The following LIMD1 variants were observed in gnomAD, a reference collection of about 807,000 sequenced individuals.
LIMD1 encodes the protein LIM domain-containing protein 1.
In LIMD1, 23 loss-of-function variants were observed where a neutral mutation model predicts 58.4. The observed-to-expected ratio is 0.39, with a 90% CI of 0.28 to 0.56. The LOEUF (loss-of-function observed/expected upper bound fraction) is 0.56, where lower values mean the gene tolerates loss of function less well. Ranked by LOEUF, LIMD1 falls within the 20% of genes least tolerant of loss-of-function variation. LIMD1 has a pLI of 0.57. For missense variants in LIMD1, 838 were observed against 855.5 expected (o/e 0.98, Z 0.25); for synonymous variants, 334 against 345.5 (o/e 0.97, Z 0.37).
At chr3:45,639,540 G>A (rs1701821478) in intron 2 of LIMD1, among the ~76,000 whole-genome samples, 1 of 152,226 alleles carries the variant, frequency 6.6e-6, no homozygotes, top group Admixed American at 6.5e-5. Flanking sequence ...CACTCATATG[G>A]TAGAAGGGGA....
At chr3:45,646,025 G>C (rs1701901539) in intron 2 of LIMD1, among the ~76,000 whole-genome samples, 1 of 130,518 alleles carries the variant, frequency 7.7e-6, no homozygotes, top group Non-Finnish European at 1.7e-5. Flanking sequence ...GCGAGACTCT[G>C]TCTCAAAAAA....
intron 3 of LIMD1, 30 bp downstream of exon 3, chr3:45,665,747 A>C: frequency 6.2e-7 from 1 of 1,604,724 alleles, no homozygotes; most frequent in Non-Finnish European, 8.5e-7. Flanking sequence ...CTCCCCTTGC[A>C]TGTCCTGGCC....
chr3:45,610,156 C>A (rs1237340916), intron 1 of LIMD1, among the ~76,000 whole-genome samples: 1 of 152,198 alleles, frequency 6.6e-6, no homozygotes, highest in Non-Finnish European at 1.5e-5. Context: ...TGCATTCCAG[C>A]CTGGGCAACA....
chr3:45,610,085 G>A (rs1215260665), intron 1 of LIMD1, among the ~76,000 whole-genome samples: 4 of 152,160 alleles, frequency 2.6e-5, no homozygotes, highest in Non-Finnish European at 5.9e-5. Context: ...CCAGCTACTC[G>A]GGAGGCTGAG....
intron 3 of LIMD1, among the ~76,000 whole-genome samples, chr3:45,667,922 A>G (rs1451510680): frequency 1.3e-5 from 2 of 152,186 alleles, no homozygotes; most frequent in Non-Finnish European, 2.9e-5. Flanking sequence ...CCAAATCAGT[A>G]GGTCTGGAGT....
chr3:45,616,413 CA>C (rs1283296959), intron 1 of LIMD1, among the ~76,000 whole-genome samples: 1 of 152,212 alleles, frequency 6.6e-6, no homozygotes, highest in Non-Finnish European at 1.5e-5. Context: ...ACTTAGCAGG[CA>C]GATGGATCCT....
At chr3:45,668,411 C>T (rs1697546198) in intron 4 of LIMD1, 55 bp downstream of exon 4, 4 of 1,380,008 alleles carry the variant, frequency 2.9e-6, no homozygotes, top group Admixed American at 1.9e-5. Flanking sequence ...AGGAGGTGTT[C>T]AGAGAAAAAA....
At chr3:45,600,907 C>A (rs9817980) in intron 1 of LIMD1, among the ~76,000 whole-genome samples, 1,629 of 152,002 alleles carry the variant, frequency 0.011, 36 homozygotes, top group African/African-American at 0.036. Context: ...CTACAAAAAA[C>A]ACAAAAATTA....
chr3:45,601,158 G>A (rs1319342538), intron 1 of LIMD1, among the ~76,000 whole-genome samples: 2 of 152,214 alleles, frequency 1.3e-5, no homozygotes, highest in African/African-American at 4.8e-5. Flanking sequence ...GACCATACAA[G>A]GGCTTATTAA....
intron 2 of LIMD1, among the ~76,000 whole-genome samples, chr3:45,657,773 A>G (rs1402375679): frequency 1.3e-5 from 2 of 152,224 alleles, no homozygotes; most frequent in Non-Finnish European, 2.9e-5. Flanking sequence ...TGTGTAATTC[A>G]TAAGTATCAT....
At chr3:45,596,372 T>G in intron 1 of LIMD1, 85 bp downstream of exon 1, 1 of 1,076,470 alleles carries the variant, frequency 9.3e-7, no homozygotes. Flanking sequence ...AGGGATGCTG[T>G]GGGCTGTAGT....
intron 1 of LIMD1, among the ~76,000 whole-genome samples, chr3:45,632,790 G>A (rs773622669): frequency 2.0e-5 from 3 of 152,260 alleles, no homozygotes; most frequent in East Asian, 1.9e-4. Flanking sequence ...CATTTGCCCC[G>A]TCCCAAATAC....
chr3:45,631,424 C>T (rs1701732899), intron 1 of LIMD1, among the ~76,000 whole-genome samples: 1 of 152,094 alleles, frequency 6.6e-6, no homozygotes, highest in African/African-American at 2.4e-5. Flanking sequence ...ACTTTTAGAT[C>T]CATTTAGCCA....
chr3:45,672,187 G>A (rs914282215), intron 4 of LIMD1, among the ~76,000 whole-genome samples: 1 of 152,222 alleles, frequency 6.6e-6, no homozygotes, highest in Non-Finnish European at 1.5e-5. Flanking sequence ...GCATCCAAGA[G>A]GCAGAAGTGA....
intron 1 of LIMD1, 142 bp from the exon 2 acceptor site, chr3:45,636,008 C>A (rs527379126): frequency 6.6e-6 from 10 of 1,513,784 alleles, no homozygotes; most frequent in Non-Finnish European, 8.8e-6. Flanking sequence ...GAGAGAAAGA[C>A]ACTTCAAATG....
intron 2 of LIMD1, among the ~76,000 whole-genome samples, chr3:45,655,381 G>A (rs1178552122): frequency 2.0e-5 from 3 of 152,180 alleles, no homozygotes; most frequent in South Asian, 2.1e-4. Flanking sequence ...GAAGCAGGAC[G>A]ATTCTGAAAC....
At chr3:45,635,987 A>G in intron 1 of LIMD1, 163 bp from the exon 2 acceptor site, 1 of 985,252 alleles carries the variant, frequency 1.0e-6, no homozygotes, top group Non-Finnish European at 1.2e-6. Context: ...AAAGAGTGAC[A>G]GAGGGAGAGG....
chr3:45,673,129 T>C lies in LIMD1; in HGVS notation c.1772+309T>C, dbSNP rs111273045. ...CAAGCCCTGTGGCTTCAGCGTTACCTAACTTCACAAGGCCCCTATGCAGTG... is the reference window on the plus strand; with the variant it reads ...CAAGCCCTGTGGCTTCAGCGTTACCCAACTTCACAAGGCCCCTATGCAGTG... On this transcript the variant is annotated intron_variant, in intron 5 of 7. Coordinates refer to ENST00000273317, the MANE Select transcript of LIMD1 (RefSeq NM_014240.3). Among the ~76,000 whole-genome samples, 473 of 152,260 alleles carry C rather than the reference T, an allele frequency of 3.1e-3. 3 individuals are homozygous for C. Among genetic ancestry groups the C allele is most frequent in the African/African-American group, 0.01 (426 of 41,534 alleles).
chr3:45,656,405 C>G (rs1306037292), intron 2 of LIMD1, among the ~76,000 whole-genome samples: 1 of 150,512 alleles, frequency 6.6e-6, no homozygotes, highest in East Asian at 1.9e-4. Flanking sequence ...TTCTATTTAA[C>G]TTTTAGCTAC....
Sources: allele counts gnomAD v4.1 joint callset (sites outside exome capture counted in the v4.1 genomes callset), GRCh38; gene constraint gnomAD v4.1.1; transcripts MANE v1.5; gene names NCBI Gene and HGNC (gene_info 2026-07-23, HGNC 2026-07-21).